The following MYO10 variants were observed in gnomAD, a reference collection of about 807,000 sequenced individuals.
MYO10 encodes the protein unconventional myosin-X.
A neutral mutation model predicts 257.3 loss-of-function variants in MYO10; 133 were observed. That is an observed-to-expected ratio of 0.52 (90% CI 0.45 to 0.60). The LOEUF is 0.60. MYO10 is among the 20% of genes least tolerant of loss of function. The probability of loss-of-function intolerance (pLI) is 0.00; values close to 1 mark genes in which losing one functional copy is unlikely to be tolerated. For synonymous variants in MYO10, 1,104 were observed against 1,028.6 expected, an observed-to-expected ratio of 1.07 and a Z score of -1.40; for missense variants, 2,399 against 2,635.7, an observed-to-expected ratio of 0.91 and a Z score of 1.97.
chr5:16,817,433 C>G (rs58996233), intron 3 of MYO10, among the ~76,000 whole-genome samples: 5,474 of 152,196 alleles, frequency 0.036, 316 homozygotes, highest in African/African-American at 0.12. Flanking sequence ...CTTTATAATA[C>G]AGGTATAGTC....
chr5:16,856,022 G>A (rs754700915), intron 2 of MYO10, among the ~76,000 whole-genome samples: 2 of 152,194 alleles, frequency 1.3e-5, no homozygotes, highest in Non-Finnish European at 2.9e-5. Flanking sequence ...CGAAGCAACT[G>A]CATTTGAAAC....
chr5:16,666,441 TTTAAGGCATGTGTCCTC>T lies in MYO10; in HGVS notation c.*234_*250del, dbSNP rs1310584289. On this transcript the variant is annotated 3_prime_UTR_variant, in exon 41 of 41. Transcript: ENST00000513610. ...GGCAGCGTGGTTCCTCCCCTCCTTT[TTTAAGGCATGTGTCCTC>T]TAAGAGTAGTAAAGCTTTGGAAACT... 3.7e-5 allele frequency: 15 copies of T among 410,314 alleles called. No homozygotes were observed. The highest frequency in any genetic ancestry group is 5.6e-5 in the Non-Finnish European group (13 of 232,332). The allele number at this position is 410,314 out of a possible 1,614,324, so 25.4% of individuals were successfully genotyped here. A position where few individuals can be genotyped will look rare whatever the true frequency, so the allele number is the denominator to read the frequency against.
chr5:16,809,324 G>A (rs560665807), intron 3 of MYO10, among the ~76,000 whole-genome samples: 46 of 152,332 alleles, frequency 3.0e-4, no homozygotes, highest in South Asian at 1.9e-3. Context: ...CGCTGCCTCC[G>A]TGAGAGGCGC....
chr5:16,696,013 G>T (rs752462347), intron 26 of MYO10, among the ~76,000 whole-genome samples: 1 of 152,084 alleles, frequency 6.6e-6, no homozygotes, highest in Non-Finnish European at 1.5e-5. Flanking sequence ...CTTTAATCTG[G>T]GTTTCTCAAA....
At chr5:16,832,924 C>T (rs2126719579) in intron 2 of MYO10, among the ~76,000 whole-genome samples, 1 of 152,292 alleles carries the variant, frequency 6.6e-6, no homozygotes, top group Non-Finnish European at 1.5e-5. Flanking sequence ...CCCTCCATTG[C>T]CAACCACTGC....
intron 2 of MYO10, among the ~76,000 whole-genome samples, chr5:16,857,548 A>G (rs907159648): frequency 6.6e-6 from 1 of 152,194 alleles, no homozygotes; most frequent in Non-Finnish European, 1.5e-5. Context: ...AGAAATGCAC[A>G]TTTGCAGGCT....
At chr5:16,764,105 CCA>C in intron 12 of MYO10, 143 bp downstream of exon 12, 1 of 905,684 alleles carries the variant, frequency 1.1e-6, no homozygotes, top group African/African-American at 1.7e-5. Flanking sequence ...TGTGATCACG[CCA>C]CTGCACTCCA....
rs144375931 is a variant in MYO10 at position 16,796,468 on chromosome 5, GAAAAGA to G, written c.280-1641_280-1636del. Among the ~76,000 whole-genome samples, 187 of 52,974 alleles carry G rather than the reference GAAAAGA, an allele frequency of 3.5e-3. 3 individuals are homozygous for G. The East Asian group carries it at 0.08, about 23-fold the overall frequency. 34.8% of individuals were successfully genotyped at this position (52,974 alleles called of 152,430 possible). A position where few individuals can be genotyped will look rare whatever the true frequency, so the allele number is the denominator to read the frequency against. On this transcript the variant is annotated intron_variant, in intron 3 of 40. Transcript: ENST00000513610. ...AGAAAGAAAGAAAGAAAGAAAGAAA[GAAAAGA>G]AAAGAAAAGAAAGAAAGAAAGAAGG...
intron 1 of MYO10, among the ~76,000 whole-genome samples, chr5:16,921,966 G>C (rs1028469157): frequency 2.0e-5 from 3 of 152,130 alleles, no homozygotes; most frequent in South Asian, 4.1e-4. Context: ...TGTAATCCTA[G>C]CATTTTGGGA....
chr5:16,754,854 G>C lies in MYO10; in HGVS notation c.1903C>G (p.Arg635Gly). The change falls in exon 19 of 41, where the codon CGC becomes GGC. Residue 635 changes from arginine to glycine, a missense_variant. Arg to Gly is a moderately radical substitution (Grantham distance 125). Transcript: ENST00000513610. ...TLSSSNPFFV[R>G]CIKPNMQKMP... Reference sequence around the variant, plus strand: ...TTCTGCATGTTTGGCTTGATACAGCGAACAAAGAAAGGATTAGAGGAGCTT... The same window carrying C: ...TTCTGCATGTTTGGCTTGATACAGCCAACAAAGAAAGGATTAGAGGAGCTT... 1 of 1,603,972 alleles carries C rather than the reference G, an allele frequency of 6.2e-7. No individual in the cohort carries two copies. The highest frequency in any genetic ancestry group is 8.5e-7 in the Non-Finnish European group (1 of 1,173,588).
chr5:16,699,587 G>A lies in MYO10; in HGVS notation c.3433-14C>T, dbSNP rs866055596. ...ACTATCTTCAAACTGGACCGAGAGA[G>A]AGAAGCCAACGGTGAGGGAAAAGGC... is the stretch of plus-strand genomic sequence containing the variant. On this transcript the variant is annotated splice_polypyrimidine_tract_variant and intron_variant, in intron 25 of 40. Transcript: ENST00000513610. 3 of 1,613,242 alleles carry A rather than the reference G, an allele frequency of 1.9e-6. No homozygotes were observed. The highest frequency in any genetic ancestry group is 3.3e-4 in the Middle Eastern group (2 of 6,062).
chr5:16,862,154 G>T (rs1744124389), intron 2 of MYO10, among the ~76,000 whole-genome samples: 1 of 152,190 alleles, frequency 6.6e-6, no homozygotes, highest in Non-Finnish European at 1.5e-5. Context: ...ACCACGGGAA[G>T]AATGGGATTC....
At chr5:16,667,851 G>A (rs778764840) in intron 40 of MYO10, among the ~76,000 whole-genome samples, 1 of 152,180 alleles carries the variant, frequency 6.6e-6, no homozygotes, top group African/African-American at 2.4e-5. Context: ...TCCAGAATGA[G>A]CTGCACCCAG....
At chr5:16,926,616 T>A (rs142905873) in intron 1 of MYO10, among the ~76,000 whole-genome samples, 1 of 151,956 alleles carries the variant, frequency 6.6e-6, no homozygotes, top group East Asian at 1.9e-4. Flanking sequence ...GCAGAAGGAT[T>A]GCTTGAACTC....
In MYO10 at chr5:16,799,221, C is replaced by T. The variant is rs75330376; in HGVS notation, c.280-4388G>A. Among the ~76,000 whole-genome samples the T allele has an allele frequency of 4.0e-3, 614 of 152,224 alleles. 5 individuals carry two copies. The highest frequency in any genetic ancestry group is 0.014 in the African/African-American group (585 of 41,522). Reference sequence around the variant, plus strand: ...TAGAGCATCCTTTTAAGATACTGCTCGTTCTGACAGTGTGGATGACATGGG... The same window carrying T: ...TAGAGCATCCTTTTAAGATACTGCTTGTTCTGACAGTGTGGATGACATGGG... On this transcript the variant is annotated intron_variant, in intron 3 of 40. Transcript: ENST00000513610.
chr5:16,675,541 C>T (rs1049538160), intron 34 of MYO10, among the ~76,000 whole-genome samples: 12 of 152,072 alleles, frequency 7.9e-5, no homozygotes, highest in Admixed American at 3.9e-4. Context: ...AGTTCAAGAC[C>T]AGCCTGGGCA....
At chr5:16,744,689 A>G (rs1029939952) in intron 19 of MYO10, among the ~76,000 whole-genome samples, 35 of 152,106 alleles carry the variant, frequency 2.3e-4, no homozygotes, top group African/African-American at 6.8e-4. Flanking sequence ...GTAGTGGTCA[A>G]TGCAGCTGTG....
At chr5:16,695,302 C>G (rs1737693012) in intron 26 of MYO10, among the ~76,000 whole-genome samples, 1 of 152,128 alleles carries the variant, frequency 6.6e-6, no homozygotes, top group Admixed American at 6.6e-5. Flanking sequence ...CCACTAGACT[C>G]CAGCCTGGGT....
At chr5:16,875,286 G>A (rs922260034) in intron 2 of MYO10, among the ~76,000 whole-genome samples, 2 of 152,174 alleles carry the variant, frequency 1.3e-5, no homozygotes, top group Non-Finnish European at 2.9e-5. Flanking sequence ...AGTATGTACA[G>A]GTCCTGAAAG....
Sources: allele counts gnomAD v4.1 joint callset (sites outside exome capture counted in the v4.1 genomes callset), GRCh38; gene constraint gnomAD v4.1.1; transcripts MANE v1.5; gene names NCBI Gene and HGNC (gene_info 2026-07-23, HGNC 2026-07-21).